NELL1: variants seen among roughly 807,000 people sequenced by gnomAD.
NELL1 encodes neural EGFL like 1.
In NELL1, 76 loss-of-function variants were observed where a neutral mutation model predicts 107.4. That is an observed-to-expected ratio of 0.71 (90% CI 0.59 to 0.86). The LOEUF (loss-of-function observed/expected upper bound fraction) is 0.86. NELL1 is among the 40% of genes least tolerant of loss of function. The probability of loss-of-function intolerance (pLI) is 0.00; values close to 1 mark genes in which losing one functional copy is unlikely to be tolerated. For missense variants in NELL1, 1,024 were observed against 1,005.5 expected (o/e 1.02, Z -0.25); for synonymous variants, 353 against 341.2 (o/e 1.03, Z -0.38).
intron 15 of NELL1, among the ~76,000 whole-genome samples, chr11:21,408,810 G>C (rs1352215394): frequency 1.3e-5 from 2 of 152,036 alleles, no homozygotes; most frequent in South Asian, 2.1e-4. Context: ...CATTTATGCA[G>C]CCAAAAAACA....
chr11:21,520,982 C>A (rs1591001821), intron 15 of NELL1, among the ~76,000 whole-genome samples: 1 of 152,296 alleles, frequency 6.6e-6, no homozygotes, highest in East Asian at 1.9e-4. Context: ...CCTATGGTTA[C>A]CCTTATGTTG....
intron 12 of NELL1, among the ~76,000 whole-genome samples, chr11:21,069,392 G>A (rs1381705543): frequency 6.6e-6 from 1 of 152,182 alleles, no homozygotes; most frequent in Admixed American, 6.5e-5. Context: ...TCCATTTACA[G>A]TGAGAGCTTC....
At chr11:21,391,488 T>C (rs1269827442) in intron 15 of NELL1, among the ~76,000 whole-genome samples, 1 of 151,784 alleles carries the variant, frequency 6.6e-6, no homozygotes, top group Non-Finnish European at 1.5e-5. Context: ...ACCTTTCAGA[T>C]TTCTTTTCTA....
At chr11:21,171,634 C>T (rs936578449) in intron 13 of NELL1, among the ~76,000 whole-genome samples, 6 of 151,794 alleles carry the variant, frequency 4.0e-5, no homozygotes, top group African/African-American at 1.5e-4. Context: ...GCCACTGAAG[C>T]TTGGGCTCCT....
intron 13 of NELL1, among the ~76,000 whole-genome samples, chr11:21,157,534 G>A (rs1226643049): frequency 1.3e-5 from 2 of 152,096 alleles, no homozygotes; most frequent in Non-Finnish European, 2.9e-5. Flanking sequence ...TGGTATAGCA[G>A]TTCTTGCTGA....
intron 12 of NELL1, among the ~76,000 whole-genome samples, chr11:20,983,794 C>G (rs1851796550): frequency 6.6e-6 from 1 of 152,130 alleles, no homozygotes; most frequent in South Asian, 2.1e-4. Flanking sequence ...TTTCACAATG[C>G]AAAACTGAAC....
chr11:21,197,172 C>T (rs1349137420), intron 13 of NELL1, among the ~76,000 whole-genome samples: 2 of 151,610 alleles, frequency 1.3e-5, no homozygotes, highest in Non-Finnish European at 2.9e-5. Flanking sequence ...CCACCTCACC[C>T]AACCGGTCTT....
In NELL1 at chr11:21,560,288, C is replaced by T. The variant is rs1395539995; in HGVS notation, c.1886C>T (p.Ser629Phe). 2 of 1,613,402 alleles carry T rather than the reference C, an allele frequency of 1.2e-6. No homozygotes were observed. The highest frequency in any genetic ancestry group is 1.6e-4 in the Middle Eastern group (1 of 6,074). The change falls in exon 17 of 20, where the codon TCC becomes TTC. Residue 629 changes from serine (S) to phenylalanine (F), a missense_variant. Ser to Phe is a radical substitution (Grantham distance 155). Coordinates refer to ENST00000357134, the MANE Select transcript of NELL1 (RefSeq NM_006157.5). ...GACTGTCTCTGCCCCTCTGGGCCCTCCTGCTCTGGTGACTGTCCTCATGAA... is the reference window on the plus strand; with the variant it reads ...GACTGTCTCTGCCCCTCTGGGCCCTTCTGCTCTGGTGACTGTCCTCATGAA... ...GFDCLCPSGP[S>F]CSGDCPHEGG...
At chr11:20,976,158 C>T (rs1012930797) in intron 12 of NELL1, among the ~76,000 whole-genome samples, 2 of 139,110 alleles carry the variant, frequency 1.4e-5, no homozygotes, top group African/African-American at 5.5e-5. Context: ...TATATATATA[C>T]ACACATTATA....
intron 14 of NELL1, chr11:21,284,547 G>C (rs773679368): frequency 2.2e-6 from 1 of 458,572 alleles, no homozygotes; most frequent in South Asian, 1.5e-5. Context: ...CATGATTGTG[G>C]AGAATGCCAC....
chr11:20,947,223 A>G, intron 10 of NELL1, 113 bp from the exon 11 acceptor site: 2 of 677,278 alleles, frequency 3.0e-6, no homozygotes, highest in South Asian at 1.8e-5. Flanking sequence ...CCCTGGGAGT[A>G]TTAATTATTG....
intron 14 of NELL1, among the ~76,000 whole-genome samples, chr11:21,263,963 T>G (rs1848585770): frequency 6.6e-6 from 1 of 151,906 alleles, no homozygotes; most frequent in African/African-American, 2.4e-5. Flanking sequence ...GCAGATGAAA[T>G]TATGTGCATT....
At chr11:20,879,612 T>A (rs1028205922) in intron 4 of NELL1, among the ~76,000 whole-genome samples, 10 of 151,608 alleles carry the variant, frequency 6.6e-5, no homozygotes, top group African/African-American at 9.7e-5. Flanking sequence ...GGGGCGGGGG[T>A]TTGGTGATAG....
At chr11:21,149,523 A>T (rs1856066147) in intron 13 of NELL1, among the ~76,000 whole-genome samples, 1 of 152,208 alleles carries the variant, frequency 6.6e-6, no homozygotes, top group South Asian at 2.1e-4. Flanking sequence ...ACTACCATGG[A>T]AGAGTATGGG....
rs778495413 is a variant in NELL1, at chr11:20,919,331, A to T, written c.756A>T (p.Ala252=). 105 of 1,565,412 alleles carry T rather than the reference A, an allele frequency of 6.7e-5. No homozygotes were observed. The Admixed American group carries it at 1.6e-3, about 24-fold the overall frequency. ...AAGAGCTTTTGGCCAAGATGACTGC[A>T]AAAGTAGGTATCTAAATTTCATTTG... ...DLQELLAKMT[A]KLNYAETRLS... The change falls in exon 7 of 20, where the codon GCA becomes GCT. Residue 252 remains alanine (A), a synonymous_variant. Coordinates refer to ENST00000357134, the MANE Select transcript of NELL1 (RefSeq NM_006157.5).
intron 4 of NELL1, among the ~76,000 whole-genome samples, chr11:20,862,378 C>T (rs10219253): frequency 0.12 from 17,999 of 152,040 alleles, 1,251 homozygotes; most frequent in South Asian, 0.19. Flanking sequence ...TCACTACACA[C>T]GCACAAGCTT....
At position 21,153,988 on chromosome 11, in the gene NELL1, C is replaced by T. The variant is rs534979473; in HGVS notation, c.1426+40274C>T. Among the ~76,000 whole-genome samples the T allele has an allele frequency of 1.2e-4, 18 of 152,198 alleles. No homozygotes were observed. The South Asian group carries it at 2.1e-3, about 18-fold the overall frequency. On this transcript the variant is annotated intron_variant, in intron 13 of 19. Coordinates refer to ENST00000357134, the MANE Select transcript of NELL1 (RefSeq NM_006157.5). ...AAATTAAGAACCATACACTGGGCAG[C>T]GTTAAAGAGCCCATGTGTGGCAAAA...
intron 12 of NELL1, among the ~76,000 whole-genome samples, chr11:21,029,705 G>T (rs757938508): frequency 3.3e-5 from 5 of 152,186 alleles, no homozygotes; most frequent in Middle Eastern, 3.4e-3. Context: ...CCAAGTACAA[G>T]CAGGAGAAGA....
chr11:21,370,979 A>G (rs1419588311), intron 15 of NELL1, 31 bp downstream of exon 15: 2 of 1,479,246 alleles, frequency 1.4e-6, no homozygotes, highest in African/African-American at 2.8e-5. Context: ...GGGGATAGGG[A>G]CAAAGATTGG....
Sources: allele counts gnomAD v4.1 joint callset (sites outside exome capture counted in the v4.1 genomes callset), GRCh38; gene constraint gnomAD v4.1.1; transcripts MANE v1.5; gene names NCBI Gene and HGNC (gene_info 2026-07-23, HGNC 2026-07-21).